Variants in PIP4P2 observed in about 807,000 individuals in gnomAD.
The protein encoded by PIP4P2 is type 2 phosphatidylinositol 4,5-bisphosphate 4-phosphatase.
A neutral mutation model predicts 33.3 loss-of-function variants in PIP4P2; 19 were observed. That is an observed-to-expected ratio of 0.57 (90% CI 0.40 to 0.84). The LOEUF is 0.84. Ranked by LOEUF, PIP4P2 falls within the 40% of genes least tolerant of loss-of-function variation. PIP4P2 has a pLI of 0.00. For synonymous variants in PIP4P2, 110 were observed against 111.9 expected (o/e 0.98, Z 0.11); for missense variants, 270 against 324.7 (o/e 0.83, Z 1.29).
intron 5 of PIP4P2, among the ~76,000 whole-genome samples, chr8:91,002,309 T>G (rs1226902676): frequency 6.6e-6 from 1 of 152,140 alleles, no homozygotes; most frequent in Non-Finnish European, 1.5e-5. Context: ...CATGTGAAAG[T>G]CAAGGGCATA....
chr8:91,038,879 T>C (rs543278091), intron 1 of PIP4P2, among the ~76,000 whole-genome samples: 25 of 152,298 alleles, frequency 1.6e-4, no homozygotes, highest in East Asian at 9.6e-4. Flanking sequence ...TGCTAAGTCA[T>C]TGAATTTCTC....
At position 91,016,261 on chromosome 8, in the gene PIP4P2, T is replaced by C. The variant is rs189382677; in HGVS notation, c.486+2129A>G. Among the ~76,000 whole-genome samples the C allele has an allele frequency of 2.4e-3, 360 of 152,154 alleles. 5 individuals carry two copies. Among genetic ancestry groups the C allele is most frequent in the African/African-American group, 8.4e-3 (348 of 41,498 alleles). On this transcript the variant is annotated intron_variant, in intron 4 of 6. Coordinates refer to ENST00000285419, the MANE Select transcript of PIP4P2 (RefSeq NM_018710.3). ...AAAATTTTAAATTAAGATGAGGAGATATAATGAAGTTTCCCACTAAATAAT... is the reference window on the plus strand; with the variant it reads ...AAAATTTTAAATTAAGATGAGGAGACATAATGAAGTTTCCCACTAAATAAT...
intron 6 of PIP4P2, among the ~76,000 whole-genome samples, chr8:90,996,273 T>G (rs946572542): frequency 6.6e-6 from 1 of 152,122 alleles, no homozygotes; most frequent in African/African-American, 2.4e-5. Context: ...CTGCTTGATT[T>G]GGATAAAGAG....
At chr8:91,012,477 T>G (rs1811850308) in intron 4 of PIP4P2, among the ~76,000 whole-genome samples, 1 of 152,058 alleles carries the variant, frequency 6.6e-6, no homozygotes, top group African/African-American at 2.4e-5. Flanking sequence ...TTGTAGTCAG[T>G]GTATTCTTCA....
At chr8:91,027,673 C>CT (rs796742014) in intron 1 of PIP4P2, among the ~76,000 whole-genome samples, 1 of 152,080 alleles carries the variant, frequency 6.6e-6, no homozygotes, top group South Asian at 2.1e-4. Context: ...TGGATTCAAT[C>CT]TTTGTTTTAA....
chr8:91,001,350 T>C (rs766361577), intron 5 of PIP4P2, among the ~76,000 whole-genome samples: 22 of 152,120 alleles, frequency 1.4e-4, no homozygotes, highest in Non-Finnish European at 2.8e-4. Flanking sequence ...AGTCTATCAC[T>C]GTAAGGATCC....
At position 91,040,814 on chromosome 8, in the gene PIP4P2, T is replaced by A; in HGVS notation, c.-65A>T. 6.9e-7 allele frequency: 1 copy of A among 1,453,904 alleles called. No homozygotes were observed. The highest frequency in any genetic ancestry group is 1.2e-5 in the South Asian group (1 of 86,368). 90.1% of individuals were successfully genotyped at this position (1,453,904 alleles called of 1,614,324 possible). A position where few individuals can be genotyped will look rare whatever the true frequency, so the allele number is the denominator to read the frequency against. ...GTTGCGGCCTCGGCGGAGTGGTGGC[T>A]ACTGCTGCTGCCTCTGCTGCCGCTG... On this transcript the variant is annotated 5_prime_UTR_variant, in exon 1 of 7. Coordinates refer to ENST00000285419, the MANE Select transcript of PIP4P2 (RefSeq NM_018710.3).
At chr8:91,034,634 C>T (rs1214447621) in intron 1 of PIP4P2, among the ~76,000 whole-genome samples, 1 of 152,202 alleles carries the variant, frequency 6.6e-6, no homozygotes, top group Non-Finnish European at 1.5e-5. Context: ...GGGGGAGCTT[C>T]AGGAAGCTGC....
At chr8:91,018,007 C>A (rs73694357) in intron 4 of PIP4P2, among the ~76,000 whole-genome samples, 4,942 of 152,126 alleles carry the variant, frequency 0.032, 257 homozygotes, top group African/African-American at 0.11. Flanking sequence ...TCAAATTTTT[C>A]CTCAATCTAG....
intron 5 of PIP4P2, among the ~76,000 whole-genome samples, chr8:91,000,982 T>C (rs1469358273): frequency 6.6e-6 from 1 of 152,082 alleles, no homozygotes; most frequent in Admixed American, 6.6e-5. Context: ...TCTTCACCTT[T>C]AGCTGATCTG....
intron 3 of PIP4P2, 193 bp from the exon 4 acceptor site, chr8:91,018,706 T>A: frequency 1.5e-6 from 1 of 666,976 alleles, no homozygotes; most frequent in East Asian, 2.9e-5. Flanking sequence ...AGTCTGTACT[T>A]GGGATAGAAA....
intron 1 of PIP4P2, among the ~76,000 whole-genome samples, chr8:91,027,405 C>T (rs558980658): frequency 6.6e-6 from 1 of 152,342 alleles, no homozygotes; most frequent in African/African-American, 2.4e-5. Context: ...AGGCAGTTGC[C>T]TTACAAGGGG....
At chr8:91,000,578 A>C (rs113515579) in intron 5 of PIP4P2, among the ~76,000 whole-genome samples, 6 of 151,964 alleles carry the variant, frequency 3.9e-5, no homozygotes, top group African/African-American at 9.6e-5. Flanking sequence ...ATGTATTTTA[A>C]AACTTGTTTT....
At chr8:91,003,718 C>T (rs1467482713) in intron 5 of PIP4P2, among the ~76,000 whole-genome samples, 1 of 151,858 alleles carries the variant, frequency 6.6e-6, no homozygotes, top group East Asian at 1.9e-4. Context: ...TTAATGGCAT[C>T]TAAATGACAT....
rs537666951 is a variant in PIP4P2, at chr8:91,010,571, T to C, written c.487-1776A>G. On this transcript the variant is annotated intron_variant, in intron 4 of 6. Coordinates refer to ENST00000285419, the MANE Select transcript of PIP4P2 (RefSeq NM_018710.3). ...ATTACATTGCCAGCAACCTACCACA[T>C]CTGGTTTTGTTGTTATCTGCAAGTA... 3.4e-4 allele frequency among the ~76,000 whole-genome samples: 51 copies of C among 152,052 alleles called. 1 individual carries two copies. The highest frequency in any genetic ancestry group is 1.2e-3 in the African/African-American group (50 of 41,568).
chr8:91,002,903 A>G (rs1811717717), intron 5 of PIP4P2, among the ~76,000 whole-genome samples: 1 of 152,152 alleles, frequency 6.6e-6, no homozygotes, highest in African/African-American at 2.4e-5. Flanking sequence ...TGGGGCTAGG[A>G]AATAACTAGG....
chr8:91,017,815 AT>A (rs1210301814), intron 4 of PIP4P2, among the ~76,000 whole-genome samples: 1 of 152,220 alleles, frequency 6.6e-6, no homozygotes, highest in Non-Finnish European at 1.5e-5. Context: ...TTTAAAAAAA[AT>A]CAAACTAAGT....
intron 1 of PIP4P2, among the ~76,000 whole-genome samples, chr8:91,021,827 C>T (rs1318340757): frequency 6.6e-6 from 1 of 152,104 alleles, no homozygotes; most frequent in Non-Finnish European, 1.5e-5. Context: ...CTTATCCATA[C>T]ATATAAATTA....
At chr8:91,011,023 TAG>T (rs1491013713) in intron 4 of PIP4P2, among the ~76,000 whole-genome samples, 5 of 44,564 alleles carry the variant, frequency 1.1e-4, no homozygotes, top group Non-Finnish European at 5.3e-4. Flanking sequence ...CTTACTGAGA[TAG>T]ATAGATAGAT....
Sources: allele counts gnomAD v4.1 joint callset (sites outside exome capture counted in the v4.1 genomes callset), GRCh38; gene constraint gnomAD v4.1.1; transcripts MANE v1.5; gene names NCBI Gene and HGNC (gene_info 2026-07-23, HGNC 2026-07-21).